The following PALM2AKAP2 variants were observed in gnomAD, a reference collection of about 807,000 sequenced individuals.
The protein encoded by PALM2AKAP2 is PALM2-AKAP2 fusion protein.
In PALM2AKAP2, 37 loss-of-function variants were observed where a neutral mutation model predicts 71.5. The ratio of observed to expected loss-of-function variants is 0.52; its 90% confidence interval spans 0.40 to 0.68. The LOEUF (loss-of-function observed/expected upper bound fraction) is 0.68. Ranked by LOEUF, PALM2AKAP2 falls within the 30% of genes least tolerant of loss-of-function variation. The pLI is 0.00. For synonymous variants in PALM2AKAP2, 468 were observed against 478.8 expected (o/e 0.98, Z 0.29); for missense variants, 1,224 against 1,191.8 (o/e 1.03, Z -0.40).
chr9:109,732,704 G>A (rs1446079447), intron 1 of PALM2AKAP2, among the ~76,000 whole-genome samples: 2 of 152,136 alleles, frequency 1.3e-5, no homozygotes, highest in Non-Finnish European at 2.9e-5. Flanking sequence ...CATATAATGC[G>A]GGTAATGATG....
chr9:110,141,531 G>A (rs1836029570), intron 2 of PALM2AKAP2, among the ~76,000 whole-genome samples: 1 of 152,196 alleles, frequency 6.6e-6, no homozygotes, highest in African/African-American at 2.4e-5. Flanking sequence ...TTGGAGTATT[G>A]CTTGGCTGGC....
intron 1 of PALM2AKAP2, among the ~76,000 whole-genome samples, chr9:109,762,384 T>A (rs1000247137): frequency 1.3e-5 from 2 of 152,202 alleles, no homozygotes; most frequent in Non-Finnish European, 2.9e-5. Flanking sequence ...ATTTAAATAT[T>A]TGTCTATTTA....
At chr9:110,043,511 A>G (rs1833541149) in intron 7 of PALM2AKAP2, among the ~76,000 whole-genome samples, 1 of 152,188 alleles carries the variant, frequency 6.6e-6, no homozygotes, top group African/African-American at 2.4e-5. Context: ...CTGTATGCCC[A>G]TCAATAAAGT....
chr9:110,135,297 C>A (rs1835834915), intron 1 of PALM2AKAP2, among the ~76,000 whole-genome samples: 1 of 59,244 alleles, frequency 1.7e-5, no homozygotes, highest in Non-Finnish European at 2.9e-5. Flanking sequence ...AAAATCCCAT[C>A]TCAAAAAAAA....
rs781626679 is a variant in PALM2AKAP2 at position 110,168,448 on chromosome 9, G to T, written c.2798G>T (p.Arg933Leu). Residue 933 changes from arginine (R) to leucine (L), a missense_variant, in exon 4 of 4, where the codon CGC becomes CTC. Physicochemically the swap from Arg to Leu is moderately radical, Grantham distance 102. Transcript: ENST00000374525. ...CGAAGAAAGAGCGCACTGGCTTTGCGCTGGGAAGCAGGGATCTATGCCAAC... is the reference window on the plus strand; with the variant it reads ...CGAAGAAAGAGCGCACTGGCTTTGCTCTGGGAAGCAGGGATCTATGCCAAC... 21 of 1,614,152 alleles carry T rather than the reference G, an allele frequency of 1.3e-5. No individual in the cohort carries two copies. The South Asian group carries it at 2.1e-4, about 16-fold the overall frequency.
chr9:109,934,776 A>G (rs2132010958), intron 6 of PALM2AKAP2, among the ~76,000 whole-genome samples: 1 of 152,350 alleles, frequency 6.6e-6, no homozygotes, highest in African/African-American at 2.4e-5. Flanking sequence ...GTTGTTTCTG[A>G]GTCATTTCAG....
intron 3 of PALM2AKAP2, among the ~76,000 whole-genome samples, chr9:110,165,203 A>C (rs2119274367): frequency 6.6e-6 from 1 of 152,190 alleles, no homozygotes; most frequent in Middle Eastern, 3.4e-3. Flanking sequence ...TTTTGCCCAG[A>C]AAATAAAGGA....
intron 1 of PALM2AKAP2, chr9:109,847,496 C>T (rs980835737): frequency 1.3e-5 from 2 of 152,284 alleles, no homozygotes; most frequent in African/African-American, 4.8e-5. Context: ...AATCCCAGCA[C>T]CTTGGGAGGC....
intron 1 of PALM2AKAP2, among the ~76,000 whole-genome samples, chr9:109,744,690 G>A (rs1328933024): frequency 6.6e-6 from 1 of 152,158 alleles, no homozygotes; most frequent in African/African-American, 2.4e-5. Context: ...TTGCTCCAGT[G>A]CATTAACTGG....
intron 1 of PALM2AKAP2, among the ~76,000 whole-genome samples, chr9:109,845,123 G>C (rs902894468): frequency 1.8e-4 from 28 of 152,202 alleles, no homozygotes; most frequent in African/African-American, 6.3e-4. Flanking sequence ...AAGTGCATTT[G>C]AAGAGTCCTC....
intron 3 of PALM2AKAP2, among the ~76,000 whole-genome samples, chr9:109,901,862 CA>C (rs1346249207): frequency 6.6e-6 from 1 of 152,166 alleles, no homozygotes; most frequent in African/African-American, 2.4e-5. Context: ...ACAAGTCATT[CA>C]AAAATCCCAA....
At chr9:110,064,924 A>G (rs1472939741) in intron 1 of PALM2AKAP2, among the ~76,000 whole-genome samples, 2 of 152,188 alleles carry the variant, frequency 1.3e-5, no homozygotes, top group African/African-American at 4.8e-5. Context: ...TCTTAAAGAC[A>G]TACTTTCTTG....
intron 6 of PALM2AKAP2, among the ~76,000 whole-genome samples, chr9:109,980,943 G>T (rs930426143): frequency 6.6e-6 from 1 of 152,220 alleles, no homozygotes; most frequent in Non-Finnish European, 1.5e-5. Context: ...TGCAGCTGGG[G>T]TGCCTCCCAG....
At chr9:109,803,941 G>T (rs1587922762) in intron 1 of PALM2AKAP2, among the ~76,000 whole-genome samples, 1 of 152,180 alleles carries the variant, frequency 6.6e-6, no homozygotes, top group Non-Finnish European at 1.5e-5. Context: ...CCAGGCCAGA[G>T]AGTCCAAAGA....
chr9:109,678,719 A>T (rs534855104), intron 1 of PALM2AKAP2, among the ~76,000 whole-genome samples: 1 of 152,140 alleles, frequency 6.6e-6, no homozygotes, highest in Non-Finnish European at 1.5e-5. Flanking sequence ...GTTAGTCCCA[A>T]TGTTATAGTG....
At chr9:109,904,554 G>C (rs1467629392) in intron 3 of PALM2AKAP2, among the ~76,000 whole-genome samples, 1 of 152,260 alleles carries the variant, frequency 6.6e-6, no homozygotes, top group East Asian at 1.9e-4. Context: ...AACAAATCTA[G>C]TCTGTCTTGA....
At chr9:109,718,765 T>C (rs371281542) in intron 1 of PALM2AKAP2, among the ~76,000 whole-genome samples, 57 of 152,012 alleles carry the variant, frequency 3.7e-4, no homozygotes, top group Admixed American at 3.9e-4. Context: ...CTTTCAGGAG[T>C]GGAGAAATGC....
rs1300488273 is a variant in PALM2AKAP2, at chr9:110,136,335, C to G, written c.365C>G (p.Pro122Arg). 3.1e-6 allele frequency: 5 copies of G among 1,614,070 alleles called. No individual in the cohort carries two copies. In the African/African-American group the frequency reaches 6.7e-5, roughly 22 times the overall value. Residue 122 changes from proline (P) to arginine (R), a missense_variant, in exon 2 of 4, where the codon CCG becomes CGG. Transcript: ENST00000374525. The stretch of plus-strand genomic sequence containing the variant: ...CATCCCTCCGCTTTCTATTCACCCC[C>G]GCATAATGGCCTCCTTACTGATCAC...
chr9:109,804,309 C>A (rs1286087916), intron 1 of PALM2AKAP2, among the ~76,000 whole-genome samples: 1 of 152,112 alleles, frequency 6.6e-6, no homozygotes. Context: ...CATCTGTATA[C>A]TTTGATTACA....
Sources: allele counts gnomAD v4.1 joint callset (sites outside exome capture counted in the v4.1 genomes callset), GRCh38; gene constraint gnomAD v4.1.1; transcripts MANE v1.5; gene names NCBI Gene and HGNC (gene_info 2026-07-23, HGNC 2026-07-21).